NDUFA10: variants seen among roughly 807,000 people sequenced by gnomAD.
NDUFA10 encodes the protein NADH dehydrogenase [ubiquinone] 1 alpha subcomplex subunit 10, mitochondrial.
A neutral mutation model predicts 47.8 loss-of-function variants in NDUFA10; 40 were observed. The ratio of observed to expected loss-of-function variants is 0.84; its 90% CI spans 0.65 to 1.09. NDUFA10 has a LOEUF of 1.09. Ranked by LOEUF, NDUFA10 falls within the 50% of genes least tolerant of loss-of-function variation. The pLI, the probability that NDUFA10 is intolerant of heterozygous loss-of-function variation, is 0.00. For synonymous variants in NDUFA10, 183 were observed against 172.2 expected (o/e 1.06, Z -0.49); for missense variants, 413 against 451.1 (o/e 0.92, Z 0.76).
At chr2:239,961,215 C>T (rs757212019) in intron 9 of NDUFA10, 29 bp from the exon 10 acceptor site, 26 of 1,613,946 alleles carry the variant, frequency 1.6e-5, no homozygotes, top group Non-Finnish European at 2.1e-5. Flanking sequence ...TTGGTGCATT[C>T]TGTTTAACGT....
At chr2:240,023,586 T>G (rs1574905099) in intron 1 of NDUFA10, among the ~76,000 whole-genome samples, 1 of 151,938 alleles carries the variant, frequency 6.6e-6, no homozygotes, top group Non-Finnish European at 1.5e-5. Flanking sequence ...AAAATGCAAA[T>G]AGAAACCCTT....
intron 8 of NDUFA10, among the ~76,000 whole-genome samples, chr2:240,000,898 A>C (rs1344701172): frequency 2.0e-5 from 3 of 152,288 alleles, no homozygotes; most frequent in Admixed American, 2.0e-4. Flanking sequence ...GTAAACACAC[A>C]CTATGATGTT....
At chr2:239,907,942 G>C (rs1232143500) in intron 4 of NDUFA10, among the ~76,000 whole-genome samples, 8 of 152,168 alleles carry the variant, frequency 5.3e-5, no homozygotes, top group Non-Finnish European at 1.0e-4. Flanking sequence ...AAAGACACAT[G>C]CACATGTATG....
chr2:239,946,367 CGTT>C (rs1372748808), intron 4 of NDUFA10, among the ~76,000 whole-genome samples: 2 of 152,180 alleles, frequency 1.3e-5, no homozygotes, highest in Non-Finnish European at 2.9e-5. Context: ...TAGGGGAAGA[CGTT>C]GTCCCTTGCC....
intron 8 of NDUFA10, among the ~76,000 whole-genome samples, chr2:240,000,733 A>G (rs993609446): frequency 2.6e-5 from 4 of 152,118 alleles, no homozygotes. Context: ...CTTTTATACC[A>G]TATTATTTTT....
At position 239,961,061 on chromosome 2, in the gene NDUFA10, T is replaced by G; in HGVS notation, c.*57A>C. 1 of 1,612,044 alleles carries G rather than the reference T, an allele frequency of 6.2e-7. No individual in the cohort carries two copies. Among genetic ancestry groups the G allele is most frequent in the Non-Finnish European group, 8.5e-7 (1 of 1,179,274 alleles). On this transcript the variant is annotated 3_prime_UTR_variant, in exon 10 of 10. Coordinates refer to ENST00000252711, the MANE Select transcript of NDUFA10 (RefSeq NM_004544.4). ...TAAAGCTATATGGCGTCCAGGAGAG[T>G]GCGGCTGATGCAGCTTGGCCATCAC...
chr2:239,932,618 C>T (rs1436195227), intron 4 of NDUFA10, among the ~76,000 whole-genome samples: 1 of 151,462 alleles, frequency 6.6e-6, no homozygotes, highest in Admixed American at 6.6e-5. Flanking sequence ...CTCGCTCTGT[C>T]GCCCAGGCTG....
At chr2:239,932,573 T>C (rs572816790) in intron 4 of NDUFA10, among the ~76,000 whole-genome samples, 2 of 152,078 alleles carry the variant, frequency 1.3e-5, no homozygotes, top group South Asian at 4.1e-4. Flanking sequence ...TGAAACTCTC[T>C]GGTCAAAGAA....
rs1360750871 is a variant in NDUFA10, at chr2:239,928,533, G to A, written c.295-33219C>T. 6.6e-6 allele frequency among the ~76,000 whole-genome samples: 1 copy of A among 152,160 alleles called. No individual in the cohort carries two copies. Among genetic ancestry groups the A allele is most frequent in the African/African-American group, 2.4e-5 (1 of 41,448 alleles). ...CTGGCCCACCGCGAGCCGCTGCTGG[G>A]TTTAATGCAGTTCCTGTCTCCCACC... On this transcript the variant is annotated intron_variant, in intron 4 of 5. Coordinates refer to the NDUFA10 transcript ENST00000419408. The surrounding 1 kb of genome is among the most constrained non-coding windows in gnomAD (Gnocchi z 4.3).
chr2:239,949,672 A>C (rs997316996), intron 4 of NDUFA10, among the ~76,000 whole-genome samples: 1 of 152,052 alleles, frequency 6.6e-6, no homozygotes, highest in Non-Finnish European at 1.5e-5. Context: ...TTGAAGAGAC[A>C]AGGCCTCATC....
At chr2:239,912,566 T>C (rs28533088) in intron 4 of NDUFA10, among the ~76,000 whole-genome samples, 27,570 of 143,310 alleles carry the variant, frequency 0.19, 2,875 homozygotes, top group African/African-American at 0.3. Context: ...AGTGGCTGGC[T>C]AGCCTTTCCC....
At chr2:239,900,779 C>T (rs558006819) in intron 4 of NDUFA10, among the ~76,000 whole-genome samples, 84 of 152,358 alleles carry the variant, frequency 5.5e-4, no homozygotes, top group Non-Finnish European at 9.4e-4. Context: ...AAGGCCCTCA[C>T]TCTCTTCAAT....
chr2:239,951,357 G>A (rs1017384365), intron 4 of NDUFA10, among the ~76,000 whole-genome samples: 2 of 152,232 alleles, frequency 1.3e-5, no homozygotes, highest in Non-Finnish European at 2.9e-5. Context: ...GGGGAGAGAC[G>A]CAGACATTGA....
At chr2:239,940,065 C>T (rs1694337240) in intron 4 of NDUFA10, among the ~76,000 whole-genome samples, 1 of 152,230 alleles carries the variant, frequency 6.6e-6, no homozygotes, top group Non-Finnish European at 1.5e-5. Context: ...ACCCAGGCGG[C>T]TGAAAGCTCC....
rs1035479695 is a variant in NDUFA10 at position 240,004,142 on chromosome 2, G to C, written c.890+1068C>G. Among the ~76,000 whole-genome samples, 7 of 152,238 alleles carry C rather than the reference G, an allele frequency of 4.6e-5. No homozygotes were observed. The East Asian group carries it at 7.7e-4, about 17-fold the overall frequency. On this transcript the variant is annotated intron_variant, in intron 8 of 9. Transcript: ENST00000252711. ...GCAGCTGGTGGAGGAGTGAGAGAGT[G>C]GGGGAGGAGGAGGGCATGGAACCAG... is the stretch of plus-strand genomic sequence containing the variant.
At chr2:239,985,334 A>C (rs1412176309) in intron 9 of NDUFA10, among the ~76,000 whole-genome samples, 1 of 152,228 alleles carries the variant, frequency 6.6e-6, no homozygotes, top group African/African-American at 2.4e-5. Flanking sequence ...TGAAAACTCT[A>C]GAATCAAAAA....
intron 4 of NDUFA10, among the ~76,000 whole-genome samples, chr2:239,895,624 G>C (rs745629544): frequency 6.6e-6 from 1 of 152,092 alleles, no homozygotes; most frequent in Non-Finnish European, 1.5e-5. Context: ...CAATTTTTAT[G>C]TTTTAGCTGA....
At chr2:239,903,787 T>A (rs1693597012) in intron 4 of NDUFA10, among the ~76,000 whole-genome samples, 1 of 152,234 alleles carries the variant, frequency 6.6e-6, no homozygotes, top group African/African-American at 2.4e-5. Context: ...TGGGTCCTTT[T>A]TGTTGGCAGC....
chr2:240,018,427 T>C (rs1039215219), intron 4 of NDUFA10, 126 bp downstream of exon 4: 9 of 1,577,820 alleles, frequency 5.7e-6, no homozygotes, highest in Non-Finnish European at 7.8e-6. Context: ...GGAGACCGAT[T>C]AAGTAATGGC....
Sources: allele counts gnomAD v4.1 joint callset (sites outside exome capture counted in the v4.1 genomes callset), GRCh38; gene constraint gnomAD v4.1.1; non-coding constraint Gnocchi (gnomAD v3.1); transcripts MANE v1.5; gene names NCBI Gene and HGNC (gene_info 2026-07-23, HGNC 2026-07-21).